PDE11A: variants seen among roughly 807,000 people sequenced by gnomAD.
PDE11A encodes the protein phosphodiesterase 11A.
PDE11A carries 100 observed loss-of-function variants against 100.5 expected under a neutral mutation model. That is an observed-to-expected ratio of 1.00 (90% CI 0.85 to 1.18). The LOEUF is 1.18. PDE11A is among the 50% of genes most tolerant of loss of function. The probability of loss-of-function intolerance (pLI) is 0.00; values close to 1 mark genes in which losing one functional copy is unlikely to be tolerated. For synonymous variants in PDE11A, 381 were observed against 420.8 expected, an observed-to-expected ratio of 0.91 and a Z score of 1.16; for missense variants, 1,141 against 1,152.6, an observed-to-expected ratio of 0.99 and a Z score of 0.15.
intron 16 of PDE11A, among the ~76,000 whole-genome samples, chr2:177,679,037 G>T (rs1010122444): frequency 3.4e-5 from 5 of 148,870 alleles, no homozygotes; most frequent in African/African-American, 1.3e-4. Context: ...ATAAAGGAGA[G>T]AATCCAGAAG....
upstream of PDE11A, among the ~76,000 whole-genome samples, chr2:178,073,532 C>A (rs543483901): frequency 7.9e-5 from 12 of 152,126 alleles, no homozygotes; most frequent in African/African-American, 2.7e-4. Context: ...AGCATAGAAT[C>A]CTGGTAATTT....
At chr2:178,051,914 G>A (rs1000301872) in intron 1 of PDE11A, among the ~76,000 whole-genome samples, 31 of 151,966 alleles carry the variant, frequency 2.0e-4, no homozygotes, top group African/African-American at 7.5e-4. Flanking sequence ...AATAATAATG[G>A]GAGACTTTAA....
intron 2 of PDE11A, among the ~76,000 whole-genome samples, chr2:177,923,399 A>C (rs1350205967): frequency 6.6e-6 from 1 of 152,076 alleles, no homozygotes; most frequent in Admixed American, 6.6e-5. Flanking sequence ...AAAAGAAAAG[A>C]AAGTAAGTAC....
chr2:177,865,284 C>A (rs1046043386), intron 5 of PDE11A, among the ~76,000 whole-genome samples: 1 of 151,910 alleles, frequency 6.6e-6, no homozygotes, highest in African/African-American at 2.4e-5. Flanking sequence ...TCCCCTGCAT[C>A]CCCCAAAAAA....
At chr2:177,915,993 C>A (rs1286572789) in intron 2 of PDE11A, among the ~76,000 whole-genome samples, 1 of 152,186 alleles carries the variant, frequency 6.6e-6, no homozygotes, top group East Asian at 1.9e-4. Context: ...TCTATGACAT[C>A]CCAATTACCC....
At chr2:177,899,146 G>C (rs2084660164) in intron 3 of PDE11A, among the ~76,000 whole-genome samples, 1 of 152,160 alleles carries the variant, frequency 6.6e-6, no homozygotes, top group African/African-American at 2.4e-5. Flanking sequence ...AGTGGCTCAT[G>C]CCTATAATCC....
intron 1 of PDE11A, among the ~76,000 whole-genome samples, chr2:178,054,103 A>G (rs185869173): frequency 6.6e-6 from 1 of 151,928 alleles, no homozygotes; most frequent in East Asian, 1.9e-4. Context: ...CTACTGTACT[A>G]CAAGGCTACA....
chr2:177,801,974 G>A (rs542102055), intron 9 of PDE11A, among the ~76,000 whole-genome samples: 2 of 144,238 alleles, frequency 1.4e-5, no homozygotes, highest in South Asian at 4.7e-4. Context: ...ATCTGACCAG[G>A]GACTAGTATC....
chr2:178,014,306 T>A lies in PDE11A; in HGVS notation c.1067A>T (p.Glu356Val), dbSNP rs753757478. ...ACAAAAGGCATGAAATCTTACTTTT[T>A]CATCATCTTCAGTAAATGGAGCTCC... ...PEGAPFTEDD[E>V]KVMQMYLPFC... The change falls in exon 2 of 20, where the codon GAA becomes GTA. Residue 356 changes from glutamate to valine, a missense_variant. Glu to Val is a moderately radical substitution (Grantham distance 121). Coordinates refer to ENST00000286063, the MANE Select transcript of PDE11A (RefSeq NM_016953.4). 1.9e-6 allele frequency: 3 copies of A among 1,611,768 alleles called. No individual in the cohort carries two copies. Among genetic ancestry groups the A allele is most frequent in the Non-Finnish European group, 2.5e-6 (3 of 1,177,928 alleles).
chr2:177,787,992 T>C (rs895676294), intron 9 of PDE11A, among the ~76,000 whole-genome samples: 1 of 151,780 alleles, frequency 6.6e-6, no homozygotes, highest in South Asian at 2.1e-4. Flanking sequence ...GACAGAAAGT[T>C]AACAAGGATA....
At chr2:177,914,122 A>G (rs531721676) in intron 2 of PDE11A, among the ~76,000 whole-genome samples, 1 of 152,324 alleles carries the variant, frequency 6.6e-6, no homozygotes, top group South Asian at 2.1e-4. Flanking sequence ...TGATTAATAG[A>G]TTGAACACTT....
chr2:177,934,391 A>C (rs1026666940), intron 2 of PDE11A, among the ~76,000 whole-genome samples: 4 of 152,322 alleles, frequency 2.6e-5, no homozygotes, highest in Non-Finnish European at 5.9e-5. Flanking sequence ...AAAATGCTCC[A>C]CATTACTAAT....
intron 19 of PDE11A, among the ~76,000 whole-genome samples, chr2:177,631,552 T>C (rs1174759441): frequency 4.1e-5 from 1 of 24,412 alleles, no homozygotes; most frequent in African/African-American, 1.4e-4. Flanking sequence ...TATATACACA[T>C]GTATATATAT....
chr2:177,647,613 C>A (rs540505930), intron 19 of PDE11A, among the ~76,000 whole-genome samples: 2 of 152,240 alleles, frequency 1.3e-5, no homozygotes, highest in South Asian at 4.1e-4. Context: ...TGGCTTCCTG[C>A]CTAGCACCAG....
At chr2:177,921,480 A>G (rs994278660) in intron 2 of PDE11A, among the ~76,000 whole-genome samples, 2 of 149,940 alleles carry the variant, frequency 1.3e-5, no homozygotes, top group African/African-American at 4.9e-5. Flanking sequence ...GCAAAAAAAA[A>G]AAAAGAAAAA....
At chr2:178,026,114 C>T (rs548037854) in intron 1 of PDE11A, among the ~76,000 whole-genome samples, 3,517 of 151,606 alleles carry the variant, frequency 0.023, 128 homozygotes, top group African/African-American at 0.08. Flanking sequence ...GAACCTAACA[C>T]AGACTACCTC....
chr2:178,046,117 T>C (rs1427783248), intron 1 of PDE11A, among the ~76,000 whole-genome samples: 2 of 152,200 alleles, frequency 1.3e-5, no homozygotes, highest in Non-Finnish European at 2.9e-5. Flanking sequence ...TCATAGAACC[T>C]TGTGAGGATT....
rs1357795277 is a variant in PDE11A, at chr2:177,623,812, TA to T, written c.*5594del. On this transcript the variant is annotated 3_prime_UTR_variant, in exon 20 of 20. Coordinates refer to ENST00000286063, the MANE Select transcript of PDE11A (RefSeq NM_016953.4). Reference sequence around the variant, plus strand: ...AGTTATGTTATACAGATAAACAATTTATCTTTAGCAGTGAGGAGAGAGGTAC... The same window carrying T: ...AGTTATGTTATACAGATAAACAATTTTCTTTAGCAGTGAGGAGAGAGGTAC... 1 of 152,218 alleles carries T rather than the reference TA, an allele frequency of 6.6e-6. No individual in the cohort carries two copies. The highest frequency in any genetic ancestry group is 1.5e-5 in the Non-Finnish European group (1 of 68,046). 9.4% of individuals were successfully genotyped at this position (152,218 alleles called of 1,614,324 possible).
At chr2:177,677,433 G>C (rs2080793117) in intron 16 of PDE11A, among the ~76,000 whole-genome samples, 1 of 152,224 alleles carries the variant, frequency 6.6e-6, no homozygotes, top group Admixed American at 6.5e-5. Context: ...AGTGGAGCAA[G>C]AAGTCCATGC....
Sources: allele counts gnomAD v4.1 joint callset (sites outside exome capture counted in the v4.1 genomes callset), GRCh38; gene constraint gnomAD v4.1.1; transcripts MANE v1.5; gene names NCBI Gene and HGNC (gene_info 2026-07-23, HGNC 2026-07-21).